Variants in NAA50 observed in about 807,000 individuals in gnomAD.
NAA50 encodes N-alpha-acetyltransferase 50.
Under a neutral mutation model 20.7 loss-of-function variants are expected in NAA50, and 7 were observed. The ratio of observed to expected loss-of-function variants is 0.34; its 90% confidence interval spans 0.19 to 0.63. The LOEUF (loss-of-function observed/expected upper bound fraction) is 0.63, where lower values mean the gene tolerates loss of function less well. Ranked by LOEUF, NAA50 falls within the 30% of genes least tolerant of loss-of-function variation. The pLI is 0.75. For missense variants in NAA50, 111 were observed against 199.1 expected (o/e 0.56, Z 2.66); for synonymous variants, 54 against 70.6 (o/e 0.77, Z 1.18).
At chr3:113,723,695 G>GATGGCATAAGTTTAAGCCTCCTCTA in intron 2 of NAA50, 154 bp from the exon 3 acceptor site, 1 of 978,816 alleles carries the variant, frequency 1.0e-6, no homozygotes, top group Non-Finnish European at 1.4e-6. Flanking sequence ...TGCCATCTTA[G>GATGGCATAAGTTTAAGCCTCCTCTA]GAAGTTTAAG....
intron 4 of NAA50, among the ~76,000 whole-genome samples, chr3:113,722,257 A>G (rs1324454195): frequency 1.3e-5 from 2 of 151,952 alleles, no homozygotes; most frequent in South Asian, 2.1e-4. Flanking sequence ...TAACACACAG[A>G]AAAAAAATGA....
At chr3:113,729,269 C>T (rs1476884319) in intron 1 of NAA50, among the ~76,000 whole-genome samples, 3 of 152,076 alleles carry the variant, frequency 2.0e-5, no homozygotes, top group South Asian at 2.1e-4. Context: ...GGATTATAGG[C>T]GTGAGCCACT....
intron 1 of NAA50, among the ~76,000 whole-genome samples, chr3:113,737,892 G>A (rs980351195): frequency 1.1e-4 from 17 of 152,112 alleles, no homozygotes; most frequent in Non-Finnish European, 2.2e-4. Context: ...TACTGATCTA[G>A]AGGTTTGGCA....
At chr3:113,737,004 G>A (rs540414647) in intron 1 of NAA50, among the ~76,000 whole-genome samples, 1 of 152,250 alleles carries the variant, frequency 6.6e-6, no homozygotes, top group East Asian at 1.9e-4. Flanking sequence ...TCATTTTACA[G>A]ATGATGAAAC....
intron 1 of NAA50, 137 bp downstream of exon 1, chr3:113,745,805 G>A (rs765421483): frequency 3.9e-5 from 42 of 1,065,166 alleles, no homozygotes; most frequent in South Asian, 6.8e-5. Flanking sequence ...GGGAGCCGAG[G>A]GAACTGAGAA....
chr3:113,723,290 A>G (rs1480565354), intron 3 of NAA50, 132 bp downstream of exon 3: 2 of 901,038 alleles, frequency 2.2e-6, no homozygotes, highest in Admixed American at 3.1e-5. Flanking sequence ...ATTTTTCACC[A>G]TATTTTACAT....
intron 1 of NAA50, among the ~76,000 whole-genome samples, chr3:113,740,613 T>G (rs1200958112): frequency 6.6e-6 from 1 of 152,226 alleles, no homozygotes; most frequent in African/African-American, 2.4e-5. Flanking sequence ...TGGGCTCAAG[T>G]GATCCTCCTG....
Position 113,746,198 on chromosome 3 carries a change from C to A in NAA50, c.-249G>T, listed in dbSNP as rs988490421. 3 of 511,064 alleles carry A rather than the reference C, an allele frequency of 5.9e-6. No individual in the cohort carries two copies. The highest frequency in any genetic ancestry group is 5.0e-5 in the South Asian group (2 of 39,708). 31.7% of individuals were successfully genotyped at this position (511,064 alleles called of 1,614,324 possible). A position where few individuals can be genotyped will look rare whatever the true frequency, so the allele number is the denominator to read the frequency against. On this transcript the variant is annotated 5_prime_UTR_variant, in exon 1 of 5. Coordinates refer to ENST00000240922, the MANE Select transcript of NAA50 (RefSeq NM_025146.4). ...CCACACGTGCACTCGGGTCTCTCGG[C>A]TCCCTCCCGCCGCTGCCGCCAGCCA...
At chr3:113,722,302 G>C (rs1708145262) in intron 4 of NAA50, among the ~76,000 whole-genome samples, 1 of 152,026 alleles carries the variant, frequency 6.6e-6, no homozygotes, top group South Asian at 2.1e-4. Flanking sequence ...AAAGCTTGAA[G>C]ATATATCTTC....
chr3:113,737,861 G>A (rs1708367039), intron 1 of NAA50, among the ~76,000 whole-genome samples: 1 of 152,100 alleles, frequency 6.6e-6, no homozygotes, highest in Non-Finnish European at 1.5e-5. Flanking sequence ...GAGGGGGTGG[G>A]GGGTTGCCCT....
At chr3:113,733,219 T>A (rs1415325987) in intron 1 of NAA50, among the ~76,000 whole-genome samples, 2 of 152,220 alleles carry the variant, frequency 1.3e-5, no homozygotes, top group Non-Finnish European at 2.9e-5. Flanking sequence ...ATCTCAATTG[T>A]AGCTTGTCTT....
At chr3:113,736,707 TAAG>T (rs1559741390) in intron 1 of NAA50, among the ~76,000 whole-genome samples, 1 of 152,180 alleles carries the variant, frequency 6.6e-6, no homozygotes, top group African/African-American at 2.4e-5. Flanking sequence ...GTGGTTTTTT[TAAG>T]AAGGATGGTT....
intron 1 of NAA50, among the ~76,000 whole-genome samples, chr3:113,726,113 G>C (rs552148455): frequency 6.6e-6 from 1 of 152,240 alleles, no homozygotes; most frequent in Admixed American, 6.5e-5. Context: ...TGCAACCAAT[G>C]ATCTTTTCAT....
At chr3:113,726,470 C>T (rs1036839419) in intron 1 of NAA50, among the ~76,000 whole-genome samples, 9 of 147,774 alleles carry the variant, frequency 6.1e-5, no homozygotes, top group South Asian at 4.2e-4. Flanking sequence ...ACTTTCCCCA[C>T]TATCTACCAT....
chr3:113,730,690 AT>A (rs1708260776), intron 1 of NAA50, among the ~76,000 whole-genome samples: 1 of 152,202 alleles, frequency 6.6e-6, no homozygotes, highest in Non-Finnish European at 1.5e-5. Context: ...GAATCACAAA[AT>A]ACATAGCTGC....
At chr3:113,735,013 CT>C (rs1271559781) in intron 1 of NAA50, among the ~76,000 whole-genome samples, 2 of 152,120 alleles carry the variant, frequency 1.3e-5, no homozygotes, top group Non-Finnish European at 2.9e-5. Flanking sequence ...AAAGAATTCT[CT>C]TTTATAACAC....
chr3:113,731,066 T>C (rs1284189159), intron 1 of NAA50, among the ~76,000 whole-genome samples: 1 of 152,220 alleles, frequency 6.6e-6, no homozygotes, highest in Non-Finnish European at 1.5e-5. Flanking sequence ...TTGTGGTTTT[T>C]AATTTGCATC....
chr3:113,734,514 A>G (rs868859325), intron 1 of NAA50, among the ~76,000 whole-genome samples: 1 of 152,226 alleles, frequency 6.6e-6, no homozygotes, highest in African/African-American at 2.4e-5. Context: ...TACTCATTAT[A>G]TAAGGTACAA....
At position 113,722,825 on chromosome 3, in the gene NAA50, C is replaced by T. The variant is rs958609041; in HGVS notation, c.332+81G>A. 12 of 1,421,018 alleles carry T rather than the reference C, an allele frequency of 8.4e-6. No homozygotes were observed. The African/African-American group carries it at 1.6e-4, about 19-fold the overall frequency. 88.0% of individuals were successfully genotyped at this position (1,421,018 alleles called of 1,614,324 possible). A position where few individuals can be genotyped will look rare whatever the true frequency, so the allele number is the denominator to read the frequency against. ...GTGTTTCCAAAGGCACAATAAGTGACCAGATTTTAAAGTTTCTAGTAAAGA... is the reference window on the plus strand; with the variant it reads ...GTGTTTCCAAAGGCACAATAAGTGATCAGATTTTAAAGTTTCTAGTAAAGA... On this transcript the variant is annotated intron_variant, in intron 4 of 4. Transcript: ENST00000240922.
Sources: allele counts gnomAD v4.1 joint callset (sites outside exome capture counted in the v4.1 genomes callset), GRCh38; gene constraint gnomAD v4.1.1; transcripts MANE v1.5; gene names NCBI Gene and HGNC (gene_info 2026-07-23, HGNC 2026-07-21).